SGMS1: variants seen among roughly 807,000 people sequenced by gnomAD.
The protein encoded by SGMS1 is phosphatidylcholine:ceramide cholinephosphotransferase 1.
A neutral mutation model predicts 46.2 loss-of-function variants in SGMS1; 13 were observed. The ratio of observed to expected loss-of-function variants is 0.28; its 90% CI spans 0.18 to 0.45. The LOEUF (loss-of-function observed/expected upper bound fraction) is 0.45, where lower values mean the gene tolerates loss of function less well. Among genes scored for constraint, SGMS1 ranks in the 20% least tolerant of loss-of-function variants. The probability of loss-of-function intolerance (pLI) is 1.00; values close to 1 mark genes in which losing one functional copy is unlikely to be tolerated. For synonymous variants in SGMS1, 203 were observed against 187.8 expected, an observed-to-expected ratio of 1.08 and a Z score of -0.66; for missense variants, 324 against 519.9, an observed-to-expected ratio of 0.62 and a Z score of 3.66.
At chr10:50,376,628 T>C (rs1848525961) in intron 6 of SGMS1, among the ~76,000 whole-genome samples, 1 of 152,174 alleles carries the variant, frequency 6.6e-6, no homozygotes, top group East Asian at 1.9e-4. Context: ...TTCCCCTTCC[T>C]GTGTTCAAGT....
chr10:50,486,406 A>G (rs1036707498), intron 3 of SGMS1, among the ~76,000 whole-genome samples: 1 of 152,248 alleles, frequency 6.6e-6, no homozygotes, highest in African/African-American at 2.4e-5. Context: ...AATTTGTGCA[A>G]TCTATCCATC....
chr10:50,553,125 C>T (rs1050701302), intron 2 of SGMS1, among the ~76,000 whole-genome samples: 1 of 152,186 alleles, frequency 6.6e-6, no homozygotes, highest in Non-Finnish European at 1.5e-5. Flanking sequence ...TATGCCGACA[C>T]TAAATATTCT....
At chr10:50,424,030 G>A (rs536807228) in intron 6 of SGMS1, among the ~76,000 whole-genome samples, 73 of 152,356 alleles carry the variant, frequency 4.8e-4, no homozygotes, top group Middle Eastern at 3.4e-3. Context: ...GAAACAGGGA[G>A]TCAAGAATGC....
At chr10:50,389,329 T>G (rs887544584) in intron 6 of SGMS1, among the ~76,000 whole-genome samples, 11 of 152,244 alleles carry the variant, frequency 7.2e-5, no homozygotes, top group African/African-American at 2.4e-4. Context: ...TGTACTAATA[T>G]AAAAACCAAT....
chr10:50,600,024 T>C (rs1308692837), intron 1 of SGMS1, among the ~76,000 whole-genome samples: 1 of 152,176 alleles, frequency 6.6e-6, no homozygotes, highest in Non-Finnish European at 1.5e-5. Flanking sequence ...CTCAGGACAC[T>C]ATTTCACATG....
intron 3 of SGMS1, among the ~76,000 whole-genome samples, chr10:50,491,111 C>T (rs1837564307): frequency 6.6e-6 from 1 of 152,096 alleles, no homozygotes; most frequent in South Asian, 2.1e-4. Flanking sequence ...ATTTGGGAGG[C>T]TGAGGCAAGA....
intron 5 of SGMS1, among the ~76,000 whole-genome samples, chr10:50,441,433 G>A (rs1243017697): frequency 6.6e-6 from 1 of 152,194 alleles, no homozygotes; most frequent in Admixed American, 6.5e-5. Context: ...TCATTCAACT[G>A]TCCACTCTGC....
intron 2 of SGMS1, among the ~76,000 whole-genome samples, chr10:50,520,754 T>C (rs1025347180): frequency 2.6e-5 from 4 of 152,200 alleles, no homozygotes; most frequent in Admixed American, 6.5e-5. Flanking sequence ...TGACTGACAC[T>C]GCGATAGGAT....
chr10:50,335,715 G>T (rs779832876), intron 7 of SGMS1: 6 of 152,218 alleles, frequency 3.9e-5, no homozygotes, highest in Non-Finnish European at 8.8e-5. Flanking sequence ...CCCTGGGCAT[G>T]CTGTAAAAGA....
chr10:50,378,400 A>T (rs1434599383), intron 6 of SGMS1, among the ~76,000 whole-genome samples: 1 of 152,224 alleles, frequency 6.6e-6, no homozygotes, highest in Non-Finnish European at 1.5e-5. Flanking sequence ...TAAAAATTTT[A>T]ACTTTGATTG....
At chr10:50,458,623 T>G (rs1837226560) in intron 5 of SGMS1, among the ~76,000 whole-genome samples, 1 of 152,106 alleles carries the variant, frequency 6.6e-6, no homozygotes. Flanking sequence ...CCTCCCAAAG[T>G]GCTGGGATTG....
intron 6 of SGMS1, among the ~76,000 whole-genome samples, chr10:50,411,443 G>A (rs2133570744): frequency 1.3e-5 from 2 of 152,302 alleles, no homozygotes; most frequent in Admixed American, 1.3e-4. Flanking sequence ...TCTAGAACTT[G>A]GGATTTTGGT....
At chr10:50,409,256 A>G (rs1849064780) in intron 6 of SGMS1, among the ~76,000 whole-genome samples, 1 of 152,216 alleles carries the variant, frequency 6.6e-6, no homozygotes, top group Non-Finnish European at 1.5e-5. Context: ...GAACATTTCA[A>G]GTCCTCTCAC....
chr10:50,563,064 C>T (rs1838255493), intron 2 of SGMS1, among the ~76,000 whole-genome samples: 1 of 152,202 alleles, frequency 6.6e-6, no homozygotes, highest in African/African-American at 2.4e-5. Context: ...CAGAATCAAA[C>T]ATGAGCCTAG....
chr10:50,453,169 T>C (rs1054835993), intron 5 of SGMS1, among the ~76,000 whole-genome samples: 3 of 152,240 alleles, frequency 2.0e-5, no homozygotes, highest in Non-Finnish European at 4.4e-5. Context: ...TCTGAAAATA[T>C]TTCGAATACT....
chr10:50,351,140 C>A (rs1240303805), intron 6 of SGMS1, among the ~76,000 whole-genome samples: 1 of 152,198 alleles, frequency 6.6e-6, no homozygotes, highest in Non-Finnish European at 1.5e-5. Flanking sequence ...CAAAGGAGAT[C>A]ATTTTGGAGC....
chr10:50,565,375 G>A (rs114735463), intron 2 of SGMS1, among the ~76,000 whole-genome samples: 1,656 of 152,312 alleles, frequency 0.011, 26 homozygotes, highest in African/African-American at 0.038. Context: ...AGATGACAAT[G>A]TAATCTACAT....
intron 6 of SGMS1, among the ~76,000 whole-genome samples, chr10:50,355,671 T>C (rs1032971632): frequency 2.0e-5 from 3 of 152,212 alleles, no homozygotes; most frequent in South Asian, 2.1e-4. Context: ...AGTGCAGAGA[T>C]TGCAGCCTCT....
At chr10:50,376,033 A>G (rs1201186154) in intron 6 of SGMS1, among the ~76,000 whole-genome samples, 1 of 152,122 alleles carries the variant, frequency 6.6e-6, no homozygotes, top group Non-Finnish European at 1.5e-5. Flanking sequence ...TATAAGTCAA[A>G]GGTTTGGTCT....
Sources: gnomAD v4.1 joint callset for allele counts (sites outside exome capture counted in the v4.1 genomes callset) on GRCh38, gnomAD v4.1.1 for gene constraint, MANE v1.5 for transcripts, NCBI Gene and HGNC (gene_info 2026-07-23, HGNC 2026-07-21) for gene names.